Variants in SYT1 observed in about 807,000 individuals in gnomAD.
The protein encoded by SYT1 is synaptotagmin-1.
Under a neutral mutation model 44.8 loss-of-function variants are expected in SYT1, and 8 were observed. The observed-to-expected ratio is 0.18, with a 90% CI of 0.10 to 0.32. The LOEUF (loss-of-function observed/expected upper bound fraction) is 0.32, where lower values mean the gene tolerates loss of function less well. Among genes scored for constraint, SYT1 ranks in the 10% least tolerant of loss-of-function variants. The pLI, the probability that SYT1 is intolerant of heterozygous loss-of-function variation, is 1.00. For missense variants in SYT1, 286 were observed against 509.3 expected (o/e 0.56, Z 4.22); for synonymous variants, 154 against 188.8 (o/e 0.82, Z 1.51).
chr12:78,967,346 G>C (rs1868272891), intron 1 of SYT1, among the ~76,000 whole-genome samples: 1 of 152,166 alleles, frequency 6.6e-6, no homozygotes, highest in Non-Finnish European at 1.5e-5. Context: ...GCAATGTGAA[G>C]CTTGGATTGA....
intron 8 of SYT1, among the ~76,000 whole-genome samples, chr12:79,324,993 T>A (rs1025650404): frequency 2.0e-5 from 3 of 152,238 alleles, no homozygotes; most frequent in Non-Finnish European, 4.4e-5. Flanking sequence ...TGGGCTGTGT[T>A]ATAAGTAGCC....
In SYT1 at chr12:79,276,071, A is replaced by T. The variant is rs538370064; in HGVS notation, c.167-9716A>T. 3.9e-5 allele frequency among the ~76,000 whole-genome samples: 6 copies of T among 152,290 alleles called. No homozygotes were observed. In the South Asian group the frequency reaches 1.2e-3, roughly 32 times the overall value. ...CACAACCTCAAAGCTCCATCAAAAT[A>T]AATTTTTAAATAATAAGAAGAAATA... On this transcript the variant is annotated intron_variant, in intron 4 of 10. Coordinates refer to ENST00000261205, the MANE Select transcript of SYT1 (RefSeq NM_005639.3).
At chr12:79,407,131 TG>T (rs1237464202) in intron 9 of SYT1, among the ~76,000 whole-genome samples, 3 of 152,120 alleles carry the variant, frequency 2.0e-5, no homozygotes, top group African/African-American at 7.2e-5. Flanking sequence ...ATAAGTAATT[TG>T]TATTCTTTTT....
At chr12:79,126,097 A>G (rs1325577600) in intron 3 of SYT1, among the ~76,000 whole-genome samples, 1 of 152,246 alleles carries the variant, frequency 6.6e-6, no homozygotes, top group Non-Finnish European at 1.5e-5. Flanking sequence ...TGAAAAGTGA[A>G]TATTAAAGAC....
intron 3 of SYT1, among the ~76,000 whole-genome samples, chr12:79,143,976 G>C (rs1396058027): frequency 6.6e-6 from 1 of 152,170 alleles, no homozygotes; most frequent in Non-Finnish European, 1.5e-5. Context: ...TTTGTGCCAT[G>C]ATTGTGGATT....
chr12:79,410,308 T>A (rs1237166738), intron 9 of SYT1, among the ~76,000 whole-genome samples: 1 of 152,076 alleles, frequency 6.6e-6, no homozygotes, highest in Non-Finnish European at 1.5e-5. Flanking sequence ...ATCTATTGAT[T>A]GTGTTGGAGT....
chr12:78,924,728 A>T (rs772175149), intron 1 of SYT1, among the ~76,000 whole-genome samples: 9 of 150,474 alleles, frequency 6.0e-5, no homozygotes, highest in Non-Finnish European at 1.2e-4. Flanking sequence ...GAGCTCCTTC[A>T]AGCTAGCTTC....
At chr12:78,898,851 G>A (rs776797628) in intron 1 of SYT1, among the ~76,000 whole-genome samples, 9 of 152,152 alleles carry the variant, frequency 5.9e-5, no homozygotes, top group African/African-American at 7.2e-5. Context: ...TTTAACATGC[G>A]TGCATTTGAA....
intron 4 of SYT1, among the ~76,000 whole-genome samples, chr12:79,285,087 G>A (rs1223761609): frequency 3.9e-5 from 6 of 152,100 alleles, no homozygotes; most frequent in Non-Finnish European, 8.8e-5. Context: ...CCGAACACAT[G>A]AGCATCACCC....
chr12:78,867,137 A>C (rs1282033436), intron 1 of SYT1, among the ~76,000 whole-genome samples: 1 of 152,064 alleles, frequency 6.6e-6, no homozygotes, highest in Non-Finnish European at 1.5e-5. Flanking sequence ...ACAAGGACAA[A>C]GGGACAATCA....
chr12:79,223,455 G>A (rs965942312), intron 4 of SYT1, among the ~76,000 whole-genome samples: 1 of 152,204 alleles, frequency 6.6e-6, no homozygotes, highest in East Asian at 1.9e-4. Flanking sequence ...AGCCAGTGCA[G>A]TGCTGCCAGA....
At chr12:79,028,640 A>G (rs547051640) in intron 2 of SYT1, among the ~76,000 whole-genome samples, 120 of 151,532 alleles carry the variant, frequency 7.9e-4, no homozygotes, top group African/African-American at 2.7e-3. Flanking sequence ...AAAAATAATT[A>G]TAACACAGTA....
intron 4 of SYT1, among the ~76,000 whole-genome samples, chr12:79,238,861 C>T (rs1876341519): frequency 6.6e-6 from 1 of 152,138 alleles, no homozygotes; most frequent in Admixed American, 6.5e-5. Context: ...GGCTAATTTG[C>T]TTTGACTATA....
At chr12:79,062,687 C>A (rs972125590) in intron 3 of SYT1, among the ~76,000 whole-genome samples, 3 of 152,218 alleles carry the variant, frequency 2.0e-5, no homozygotes, top group African/African-American at 7.2e-5. Context: ...TTTGAACACA[C>A]GGAATGTGAG....
chr12:79,265,160 C>T (rs1479060495), intron 4 of SYT1, among the ~76,000 whole-genome samples: 1 of 152,094 alleles, frequency 6.6e-6, no homozygotes, highest in Admixed American at 6.6e-5. Flanking sequence ...GTATCCACTA[C>T]ACTAAGTACT....
At chr12:79,238,081 A>C (rs1420542935) in intron 4 of SYT1, among the ~76,000 whole-genome samples, 2 of 152,138 alleles carry the variant, frequency 1.3e-5, no homozygotes, top group East Asian at 1.9e-4. Flanking sequence ...ACACTGAATG[A>C]GGTATCATCA....
At chr12:79,087,250 A>C (rs1469005832) in intron 3 of SYT1, among the ~76,000 whole-genome samples, 1 of 152,142 alleles carries the variant, frequency 6.6e-6, no homozygotes, top group African/African-American at 2.4e-5. Context: ...CTTCAGTGTC[A>C]GGTTTATGGG....
intron 3 of SYT1, among the ~76,000 whole-genome samples, chr12:79,048,869 A>G (rs1172512173): frequency 6.6e-6 from 1 of 151,954 alleles, no homozygotes; most frequent in African/African-American, 2.4e-5. Flanking sequence ...TCATCTTAAT[A>G]CCCTAACATA....
intron 3 of SYT1, among the ~76,000 whole-genome samples, chr12:79,062,083 C>T (rs1452158689): frequency 6.6e-6 from 1 of 152,066 alleles, no homozygotes; most frequent in East Asian, 1.9e-4. Context: ...GCATTTTGAT[C>T]AGAGTTATCA....
Sources: gnomAD v4.1 joint callset for allele counts (sites outside exome capture counted in the v4.1 genomes callset) on GRCh38, gnomAD v4.1.1 for gene constraint, MANE v1.5 for transcripts, NCBI Gene and HGNC (gene_info 2026-07-23, HGNC 2026-07-21) for gene names.